LAMA3: variants seen among roughly 807,000 people sequenced by gnomAD.
The protein encoded by LAMA3 is laminin subunit alpha 3, also known as laminin subunit alpha-3.
Under a neutral mutation model 402.0 loss-of-function variants are expected in LAMA3, and 281 were observed. The observed-to-expected ratio is 0.70, with a 90% CI of 0.63 to 0.77. LAMA3 has a LOEUF of 0.77. Among genes scored for constraint, LAMA3 ranks in the 30% least tolerant of loss-of-function variants. The probability of loss-of-function intolerance (pLI) is 0.00; values close to 1 mark genes in which losing one functional copy is unlikely to be tolerated. For synonymous variants in LAMA3, 1,431 were observed against 1,558.4 expected (o/e 0.92, Z 1.93); for missense variants, 3,840 against 4,215.5 (o/e 0.91, Z 2.47).
intron 1 of LAMA3, among the ~76,000 whole-genome samples, chr18:23,711,550 G>A (rs2060990086): frequency 6.6e-6 from 1 of 152,196 alleles, no homozygotes; most frequent in Non-Finnish European, 1.5e-5. Context: ...TAGTGATTAT[G>A]CATGGATGTA....
intron 2 of LAMA3, among the ~76,000 whole-genome samples, chr18:23,739,768 A>G (rs529539747): frequency 1.0e-3 from 155 of 152,368 alleles, no homozygotes; most frequent in Non-Finnish European, 1.7e-3. Flanking sequence ...AGGACAAATT[A>G]TCATCACTGA....
chr18:23,728,339 G>T (rs2061333350), intron 2 of LAMA3, among the ~76,000 whole-genome samples: 1 of 152,090 alleles, frequency 6.6e-6, no homozygotes, highest in Admixed American at 6.6e-5. Flanking sequence ...AGGACAATGG[G>T]GCATTTGGTC....
chr18:23,794,207 GGA>G (rs1438618674), intron 12 of LAMA3, among the ~76,000 whole-genome samples: 1 of 152,150 alleles, frequency 6.6e-6, no homozygotes, highest in East Asian at 1.9e-4. Context: ...CCCTCTCTGG[GGA>G]GAGTCTTAAG....
chr18:23,703,003 A>G (rs919788266), intron 1 of LAMA3, among the ~76,000 whole-genome samples: 3 of 152,146 alleles, frequency 2.0e-5, no homozygotes, highest in Non-Finnish European at 4.4e-5. Flanking sequence ...TGGCACATGG[A>G]TGTTTCCTTT....
intron 39 of LAMA3, among the ~76,000 whole-genome samples, chr18:23,877,653 T>G (rs2064766249): frequency 6.6e-6 from 1 of 152,230 alleles, no homozygotes; most frequent in Non-Finnish European, 1.5e-5. Context: ...GAAATTGTTG[T>G]GAAGAGCCAA....
chr18:23,804,618 T>C (rs1408974135), intron 12 of LAMA3, among the ~76,000 whole-genome samples: 1 of 151,962 alleles, frequency 6.6e-6, no homozygotes, highest in Non-Finnish European at 1.5e-5. Flanking sequence ...AGGACCAGAG[T>C]TGATAGACCC....
intron 1 of LAMA3, among the ~76,000 whole-genome samples, chr18:23,706,016 C>T (rs770233646): frequency 3.9e-5 from 6 of 151,902 alleles, no homozygotes; most frequent in Non-Finnish European, 5.9e-5. Context: ...TACATCTGTA[C>T]GTATTTCGAA....
chr18:23,923,184 C>T (rs1786310), intron 62 of LAMA3, among the ~76,000 whole-genome samples: 9,797 of 152,236 alleles, frequency 0.064, 427 homozygotes, highest in Non-Finnish European at 0.099. Flanking sequence ...AGGGGCCTGA[C>T]CACAGAGTAC....
In LAMA3 at chr18:23,827,383, C is replaced by T; in HGVS notation, c.2739C>T (p.Phe913=). The change falls in exon 23 of 75, where the codon TTC becomes TTT. Residue 913 remains phenylalanine (F), a synonymous_variant. Transcript: ENST00000313654. The part of the protein sequence containing the change: ...PCTLACEARH[F]LLDGEPRPVA... Reference sequence around the variant, plus strand: ...CCCTGGCTTGTGAGGCCAGACACTTCCTGCTTGATGGGGAGCCAAGACCCG... The same window carrying T: ...CCCTGGCTTGTGAGGCCAGACACTTTCTGCTTGATGGGGAGCCAAGACCCG... 6.2e-7 allele frequency: 1 copy of T among 1,614,222 alleles called. No homozygotes were observed. Among genetic ancestry groups the T allele is most frequent in the Non-Finnish European group, 8.5e-7 (1 of 1,180,042 alleles).
intron 48 of LAMA3, 84 bp downstream of exon 48, chr18:23,901,407 C>T: frequency 2.6e-6 from 3 of 1,164,512 alleles, no homozygotes; most frequent in Non-Finnish European, 3.8e-6. Flanking sequence ...AGTGGCATAG[C>T]CAGGCACCTG....
At chr18:23,751,990 A>T (rs1598720072) in intron 5 of LAMA3, among the ~76,000 whole-genome samples, 1 of 152,234 alleles carries the variant, frequency 6.6e-6, no homozygotes, top group African/African-American at 2.4e-5. Context: ...GGTGAATGGA[A>T]GATGCCCAGT....
chr18:23,943,465 T>A (rs1285790165), intron 68 of LAMA3, among the ~76,000 whole-genome samples: 1 of 152,248 alleles, frequency 6.6e-6, no homozygotes, highest in Non-Finnish European at 1.5e-5. Context: ...CCTAACTTTT[T>A]AAAACATGGA....
chr18:23,776,462 C>G (rs1350182297), intron 10 of LAMA3, among the ~76,000 whole-genome samples: 1 of 152,162 alleles, frequency 6.6e-6, no homozygotes, highest in Non-Finnish European at 1.5e-5. Context: ...TCTGTGAAAC[C>G]AGCTATGCGA....
At chr18:23,831,179 T>C (rs893987802) in intron 23 of LAMA3, among the ~76,000 whole-genome samples, 7 of 152,204 alleles carry the variant, frequency 4.6e-5, no homozygotes, top group South Asian at 2.1e-4. Flanking sequence ...CTCTGCCCAT[T>C]GCACCTCTTG....
At chr18:23,756,746 G>A (rs2061851957) in intron 6 of LAMA3, among the ~76,000 whole-genome samples, 1 of 152,138 alleles carries the variant, frequency 6.6e-6, no homozygotes, top group African/African-American at 2.4e-5. Flanking sequence ...CCAGAATCCT[G>A]GTGCTACCAG....
In LAMA3 at chr18:23,861,760, A is replaced by C; in HGVS notation, c.4537A>C (p.Ile1513Leu). 6.2e-7 allele frequency: 1 copy of C among 1,613,934 alleles called. No individual in the cohort carries two copies. Among genetic ancestry groups the C allele is most frequent in the Non-Finnish European group, 8.5e-7 (1 of 1,179,918 alleles). Reference protein sequence around the residue: ...VADLQELPATIHSASWVAPTS... With the variant: ...VADLQELPATLHSASWVAPTS... ...GGATCTCCAGGAGCTGCCCGCAACC[A>C]TCCACAGCGCGTCCTGGGTCGCACC... is the stretch of plus-strand genomic sequence containing the variant. Residue 1513 changes from isoleucine (I) to leucine (L), a missense_variant, in exon 35 of 75, where the codon ATC (isoleucine) becomes CTC (leucine). Ile to Leu is a conservative substitution (Grantham distance 5, BLOSUM62 2). Transcript: ENST00000313654.
chr18:23,815,078 C>T (rs1168703532), intron 15 of LAMA3, 110 bp from the exon 16 acceptor site: 14 of 924,528 alleles, frequency 1.5e-5, no homozygotes, highest in African/African-American at 3.3e-5. Context: ...TGTTGAACTG[C>T]GCTGGCAAGG....
chr18:23,745,473 T>A (rs2061638058), intron 2 of LAMA3, among the ~76,000 whole-genome samples: 1 of 152,198 alleles, frequency 6.6e-6, no homozygotes, highest in Non-Finnish European at 1.5e-5. Context: ...TGGGAAATAA[T>A]GTTTGGCACT....
Position 23,949,933 on chromosome 18 carries a change from C to G in LAMA3, c.9511+9C>G, listed in dbSNP as rs371677969. The G allele has an allele frequency of 8.1e-6, 13 of 1,613,924 alleles. No individual in the cohort carries two copies. In the African/African-American group the frequency reaches 1.3e-4, roughly 17 times the overall value. On this transcript the variant is annotated intron_variant, in intron 71 of 74. Transcript: ENST00000313654. Reference sequence around the variant, plus strand: ...AGGTCATGTCGTCTTGGGTAAGGAGCAGTTCTATAGAATTTAAGTCTTTGC... The same window carrying G: ...AGGTCATGTCGTCTTGGGTAAGGAGGAGTTCTATAGAATTTAAGTCTTTGC...
Sources: gnomAD v4.1 joint callset for allele counts (sites outside exome capture counted in the v4.1 genomes callset) on GRCh38, gnomAD v4.1.1 for gene constraint, MANE v1.5 for transcripts, NCBI Gene and HGNC (gene_info 2026-07-23, HGNC 2026-07-21) for gene names.